The following WDR75 variants were observed in gnomAD, a reference collection of about 807,000 sequenced individuals.
WDR75 encodes the protein WD repeat domain 75.
A neutral mutation model predicts 106.1 loss-of-function variants in WDR75; 52 were observed. The ratio of observed to expected loss-of-function variants is 0.49; its 90% confidence interval spans 0.39 to 0.62. WDR75 has a LOEUF of 0.62. Ranked by LOEUF, WDR75 falls within the 20% of genes least tolerant of loss-of-function variation. WDR75 has a pLI of 0.00. For synonymous variants in WDR75, 333 were observed against 335.5 expected, an observed-to-expected ratio of 0.99 and a Z score of 0.08; for missense variants, 905 against 970.3, an observed-to-expected ratio of 0.93 and a Z score of 0.89.
At chr2:189,463,505 G>T (rs1172575147) in intron 9 of WDR75, among the ~76,000 whole-genome samples, 189 bp from the exon 10 acceptor site, 1 of 152,016 alleles carries the variant, frequency 6.6e-6, no homozygotes. Context: ...AAAAAGAATT[G>T]TCTTGGGCCA....
At chr2:189,458,931 T>G in intron 7 of WDR75, 59 bp downstream of exon 7, 1 of 1,523,252 alleles carries the variant, frequency 6.6e-7, no homozygotes, top group Non-Finnish European at 8.8e-7. Context: ...GTTAGTCCTG[T>G]AGAACAGGGC....
intron 8 of WDR75, 104 bp from the exon 9 acceptor site, chr2:189,462,380 T>G (rs1686907748): frequency 1.6e-6 from 2 of 1,273,916 alleles, no homozygotes; most frequent in South Asian, 1.5e-5. Context: ...TTAAATGAGT[T>G]TATTTCTCTA....
chr2:189,468,418 T>C (rs1457939053), intron 14 of WDR75, 57 bp from the exon 15 acceptor site: 1 of 1,524,618 alleles, frequency 6.6e-7, no homozygotes, highest in African/African-American at 1.4e-5. Context: ...CTGCAGTTCT[T>C]TGTAACTGAA....
chr2:189,474,792 T>A lies in WDR75; in HGVS notation c.2272T>A (p.Ser758Thr), dbSNP rs756292891. The part of the protein sequence containing the change: ...CSMFVNSLLL[S>T]KETKSAKEIP... ...CATGTTTGTAAATTCATTGCTGCTG[T>A]CTAAAGAGACTAAGAGGTAAAGCAG... is the stretch of plus-strand genomic sequence containing the variant. The change falls in exon 20 of 21, where the codon TCT (serine) becomes ACT (threonine). Residue 758 changes from serine (S) to threonine (T), a missense_variant. Transcript: ENST00000314761. 1 of 1,613,930 alleles carries A rather than the reference T, an allele frequency of 6.2e-7. No homozygotes were observed. The highest frequency in any genetic ancestry group is 1.1e-5 in the South Asian group (1 of 91,078).
chr2:189,441,545 A>G lies in WDR75; in HGVS notation c.53A>G (p.Asn18Ser). The G allele has an allele frequency of 6.4e-7, 1 of 1,562,954 alleles. No homozygotes were observed. Among genetic ancestry groups the G allele is most frequent in the Non-Finnish European group, 8.7e-7 (1 of 1,152,644 alleles). ...GTTCGTTGTGGCGGCAGCGAGTTGAACTTTAGGAGAGCTGTGTTCTCTGCA... is the reference window on the plus strand; with the variant it reads ...GTTCGTTGTGGCGGCAGCGAGTTGAGCTTTAGGAGAGCTGTGTTCTCTGCA... The part of the protein sequence containing the change: ...RVVRCGGSEL[N>S]FRRAVFSADS... Residue 18 changes from asparagine (N) to serine (S), a missense_variant, in exon 1 of 21, where the codon AAC becomes AGC. Asn to Ser is a conservative substitution (Grantham distance 46, BLOSUM62 1). Coordinates refer to ENST00000314761, the MANE Select transcript of WDR75 (RefSeq NM_032168.3).
intron 12 of WDR75, 103 bp from the exon 13 acceptor site, chr2:189,466,322 T>C (rs1574201443): frequency 8.7e-6 from 11 of 1,270,188 alleles, no homozygotes; most frequent in South Asian, 2.6e-5. Flanking sequence ...ATCAGTTGCC[T>C]GTTGTTCAAG....
intron 8 of WDR75, among the ~76,000 whole-genome samples, chr2:189,461,763 TCCAG>T (rs971797619): frequency 2.6e-5 from 4 of 152,190 alleles, no homozygotes; most frequent in African/African-American, 9.7e-5. Flanking sequence ...GCACTAGACA[TCCAG>T]TTAACGTTGA....
At chr2:189,466,840 AAG>A (rs1232241206) in intron 13 of WDR75, among the ~76,000 whole-genome samples, 1 of 152,126 alleles carries the variant, frequency 6.6e-6, no homozygotes, top group Non-Finnish European at 1.5e-5. Flanking sequence ...GGCTTTTACC[AAG>A]AGTCCTTTCA....
intron 18 of WDR75, among the ~76,000 whole-genome samples, chr2:189,473,015 C>G (rs536845294): frequency 6.6e-6 from 1 of 151,928 alleles, no homozygotes; most frequent in East Asian, 1.9e-4. Flanking sequence ...GTCAGGAGTT[C>G]GAGACCAGCC....
rs1197920302 is a variant in WDR75, at chr2:189,458,793, AACAATTTT to A, written c.614_621del (p.Asn205MetfsTer28). 2 of 1,604,874 alleles carry A rather than the reference AACAATTTT, an allele frequency of 1.2e-6. No homozygotes were observed. Among genetic ancestry groups the A allele is most frequent in the Non-Finnish European group, 1.7e-6 (2 of 1,176,098 alleles). ...ATCAAGAAATAAGAAGCATGCTAAA[AACAATTTT>A]ACATGTGTAGCATGTCACCCAACGG... On this transcript the variant is annotated frameshift_variant, in exon 7 of 21. Transcript: ENST00000314761. LOFTEE classifies it high-confidence loss of function.
At chr2:189,456,509 A>G (rs747081614) in intron 5 of WDR75, among the ~76,000 whole-genome samples, 57 of 152,094 alleles carry the variant, frequency 3.7e-4, no homozygotes, top group Non-Finnish European at 1.0e-4. Flanking sequence ...ATGTTGAGCC[A>G]CAGAGGACAA....
chr2:189,464,165 C>T (rs995012425), intron 11 of WDR75: 13 of 559,066 alleles, frequency 2.3e-5, no homozygotes, highest in East Asian at 6.0e-5. Context: ...AGCCAGTTGG[C>T]ACTCCTGTAC....
At chr2:189,454,774 C>T (rs190734084) in intron 4 of WDR75, among the ~76,000 whole-genome samples, 173 of 152,186 alleles carry the variant, frequency 1.1e-3, no homozygotes, top group African/African-American at 3.7e-3. Flanking sequence ...CCACCCGCCT[C>T]GGCCTCCCAG....
chr2:189,458,748 C>G lies in WDR75; in HGVS notation c.570-5C>G. On this transcript the variant is annotated splice_region_variant and splice_polypyrimidine_tract_variant and intron_variant, in intron 6 of 20. Coordinates refer to ENST00000314761, the MANE Select transcript of WDR75 (RefSeq NM_032168.3). ...TTAAGGGAATTTGTTTTTTTTTTCT[C>G]CTAGGTTTACTTTATCATCATCAAG... The G allele has an allele frequency of 6.5e-7, 1 of 1,537,752 alleles. No homozygotes were observed. The highest frequency in any genetic ancestry group is 8.7e-7 in the Non-Finnish European group (1 of 1,142,958).
Position 189,468,091 on chromosome 2 carries a change from T to G in WDR75, c.1629-384T>G, listed in dbSNP as rs568837333. Among the ~76,000 whole-genome samples the G allele has an allele frequency of 3.9e-5, 6 of 152,316 alleles. No individual in the cohort carries two copies. The East Asian group carries it at 1.2e-3, about 29-fold the overall frequency. The stretch of plus-strand genomic sequence containing the variant: ...ATCAGATGCCTAATGAGATCGTCTC[T>G]AATTCCCAGCATGTCTGATTCTGAA... On this transcript the variant is annotated intron_variant, in intron 14 of 20. Coordinates refer to ENST00000314761, the MANE Select transcript of WDR75 (RefSeq NM_032168.3).
At chr2:189,446,408 G>A (rs1284559410) in intron 1 of WDR75, among the ~76,000 whole-genome samples, 1 of 152,180 alleles carries the variant, frequency 6.6e-6, no homozygotes, top group Non-Finnish European at 1.5e-5. Flanking sequence ...AGTACTCATG[G>A]GAATGGAGAA....
At chr2:189,457,252 GAA>G in intron 5 of WDR75, 57 bp from the exon 6 acceptor site, 1 of 1,051,568 alleles carries the variant, frequency 9.5e-7, no homozygotes, top group Admixed American at 2.4e-5. Flanking sequence ...AAAAAAAAAA[GAA>G]AAAAAAAAGA....
chr2:189,467,327 G>T, intron 13 of WDR75, 141 bp from the exon 14 acceptor site: 1 of 730,542 alleles, frequency 1.4e-6, no homozygotes, highest in Non-Finnish European at 2.2e-6. Context: ...ACTGTACACA[G>T]CTATTTTCAG....
At chr2:189,465,693 G>C (rs761041123) in intron 12 of WDR75, among the ~76,000 whole-genome samples, 12 of 152,132 alleles carry the variant, frequency 7.9e-5, no homozygotes, top group Non-Finnish European at 1.3e-4. Flanking sequence ...GATCTTTGCT[G>C]TGTGCCAAGA....
Sources: allele counts gnomAD v4.1 joint callset (sites outside exome capture counted in the v4.1 genomes callset), GRCh38; gene constraint gnomAD v4.1.1; transcripts MANE v1.5; gene names NCBI Gene and HGNC (gene_info 2026-07-23, HGNC 2026-07-21).